Variants in WWOX observed in about 807,000 individuals in gnomAD.
The protein encoded by WWOX is WW domain containing oxidoreductase.
A neutral mutation model predicts 46.2 loss-of-function variants in WWOX; 69 were observed. The observed-to-expected ratio is 1.49, with a 90% CI of 1.23 to 1.82. The LOEUF is 1.82. Among genes scored for constraint, WWOX ranks in the 40% most tolerant of loss-of-function variants. The pLI, the probability that WWOX is intolerant of heterozygous loss-of-function variation, is 0.00. For missense variants in WWOX, 919 were observed against 542.6 expected (o/e 1.69, Z -6.89); for synonymous variants, 359 against 202.6 (o/e 1.77, Z -6.56).
chr16:78,728,331 A>C (rs1463589069), intron 8 of WWOX, among the ~76,000 whole-genome samples: 1 of 152,018 alleles, frequency 6.6e-6, no homozygotes, highest in Non-Finnish European at 1.5e-5. Flanking sequence ...TGGCCTCCCA[A>C]AGTGCTAGGA....
chr16:78,319,541 A>G (rs2080422992), intron 5 of WWOX, among the ~76,000 whole-genome samples: 2 of 151,842 alleles, frequency 1.3e-5, no homozygotes, highest in African/African-American at 4.8e-5. Context: ...AGATTACAGG[A>G]CCCTGCTGAT....
intron 8 of WWOX, chr16:78,898,498 T>G (rs2044752568): frequency 6.6e-6 from 1 of 152,084 alleles, no homozygotes; most frequent in African/African-American, 2.4e-5. Context: ...ATTGATCTAA[T>G]TTTTTTTCTT....
chr16:78,190,397 G>C (rs1862693), intron 5 of WWOX, among the ~76,000 whole-genome samples: 25,881 of 152,012 alleles, frequency 0.17, 2,621 homozygotes, highest in South Asian at 0.28. Context: ...AATAAATCCC[G>C]CTTTGTGCTG....
chr16:78,552,581 G>C (rs112998341), intron 8 of WWOX: 1 of 152,186 alleles, frequency 6.6e-6, no homozygotes, highest in Non-Finnish European at 1.5e-5. Context: ...TGGGAGGTCA[G>C]ATTTCCGCAT....
intron 8 of WWOX, among the ~76,000 whole-genome samples, chr16:78,670,288 G>T (rs969154435): frequency 2.0e-5 from 3 of 152,096 alleles, no homozygotes; most frequent in African/African-American, 7.2e-5. Context: ...ATGTTTTTCT[G>T]TGCATCTGTC....
intron 8 of WWOX, among the ~76,000 whole-genome samples, chr16:79,128,373 A>G (rs1394343322): frequency 6.8e-6 from 1 of 147,068 alleles, no homozygotes; most frequent in South Asian, 2.1e-4. Context: ...TGTGAAAAAC[A>G]AAAAACAAAA....
intron 8 of WWOX, among the ~76,000 whole-genome samples, chr16:78,981,243 G>A (rs1211214890): frequency 1.3e-5 from 2 of 152,026 alleles, no homozygotes; most frequent in African/African-American, 4.8e-5. Context: ...TCCCAACTCT[G>A]CCCTCTTATT....
chr16:78,825,505 G>T (rs2051627621), intron 8 of WWOX: 4 of 491,192 alleles, frequency 8.1e-6, no homozygotes, highest in South Asian at 1.5e-5. Flanking sequence ...GTTCAGAAGA[G>T]ATTTGGCTTC....
intron 8 of WWOX, among the ~76,000 whole-genome samples, chr16:78,886,443 G>T (rs552166574): frequency 7.3e-5 from 11 of 151,530 alleles, no homozygotes; most frequent in African/African-American, 2.7e-4. Context: ...TCTTCTTTTG[G>T]ACATTTGCTC....
intron 5 of WWOX, among the ~76,000 whole-genome samples, chr16:78,377,235 C>T (rs895173647): frequency 3.9e-5 from 6 of 152,244 alleles, no homozygotes; most frequent in Middle Eastern, 6.8e-3. Context: ...TTGATGTATG[C>T]AGTACTTGCA....
intron 8 of WWOX, chr16:78,525,673 A>C (rs375426180): frequency 6.6e-6 from 1 of 152,096 alleles, no homozygotes; most frequent in East Asian, 1.9e-4. Flanking sequence ...TCTCCCACCC[A>C]AGGACAATGG....
intron 8 of WWOX, among the ~76,000 whole-genome samples, chr16:79,189,423 TTGTGTGTGTGTGTGTGTGTGTGTGTG>T (rs4035319): frequency 9.6e-5 from 11 of 114,918 alleles, no homozygotes; most frequent in Admixed American, 7.4e-4. Context: ...ACTCCCAGCT[TTGTGTGTGTGTGTGTGTGTGTGTGTG>T]TGTGTGTGTG....
chr16:78,907,901 C>T (rs918911783), intron 8 of WWOX, among the ~76,000 whole-genome samples: 2 of 152,138 alleles, frequency 1.3e-5, no homozygotes, highest in African/African-American at 4.8e-5. Context: ...GATGAATTCA[C>T]CAACTGCAAG....
At chr16:78,318,401 T>G (rs369466119) in intron 5 of WWOX, among the ~76,000 whole-genome samples, 9 of 151,858 alleles carry the variant, frequency 5.9e-5, no homozygotes, top group African/African-American at 2.2e-4. Context: ...ATTGCGTCAC[T>G]GCACTTCAGC....
At chr16:78,882,381 T>C (rs183692859) in intron 8 of WWOX, among the ~76,000 whole-genome samples, 65 of 152,188 alleles carry the variant, frequency 4.3e-4, no homozygotes, top group Admixed American at 3.9e-3. Context: ...GAGCCAGGAT[T>C]ATCTTCCATC....
intron 8 of WWOX, among the ~76,000 whole-genome samples, chr16:78,540,020 T>TCTCTCTCTCTCACACACA (rs369075883): frequency 7.5e-6 from 1 of 132,854 alleles, no homozygotes; most frequent in African/African-American, 3.0e-5. Flanking sequence ...TCTCTCTCTC[T>TCTCTCTCTCTCACACACA]CACACACACA....
At chr16:78,929,509 C>A (rs533075751) in intron 8 of WWOX, among the ~76,000 whole-genome samples, 3 of 152,106 alleles carry the variant, frequency 2.0e-5, no homozygotes, top group African/African-American at 7.2e-5. Flanking sequence ...AATACTGGCA[C>A]CGTATCCGAG....
chr16:78,429,656 C>T (rs546546630), intron 7 of WWOX, among the ~76,000 whole-genome samples: 6 of 152,286 alleles, frequency 3.9e-5, no homozygotes, highest in African/African-American at 1.4e-4. Flanking sequence ...ATGTCCCATA[C>T]CTTGGATCAT....
chr16:78,819,070 G>C (rs1458941605), intron 8 of WWOX, among the ~76,000 whole-genome samples: 1 of 152,182 alleles, frequency 6.6e-6, no homozygotes, highest in Non-Finnish European at 1.5e-5. Flanking sequence ...CACATGAGCA[G>C]GCCCATAGTA....
Sources: allele counts gnomAD v4.1 joint callset (sites outside exome capture counted in the v4.1 genomes callset), GRCh38; gene constraint gnomAD v4.1.1; transcripts MANE v1.5; gene names NCBI Gene and HGNC (gene_info 2026-07-23, HGNC 2026-07-21).